LRMDA: variants seen among roughly 807,000 people sequenced by gnomAD.
LRMDA encodes leucine-rich melanocyte differentiation-associated protein.
In LRMDA, 18 loss-of-function variants were observed where a neutral mutation model predicts 29.8. That is an observed-to-expected ratio of 0.60 (90% CI 0.42 to 0.90). The LOEUF (loss-of-function observed/expected upper bound fraction) is 0.90, where lower values mean the gene tolerates loss of function less well. Among genes scored for constraint, LRMDA ranks in the 40% least tolerant of loss-of-function variants. The pLI, the probability that LRMDA is intolerant of heterozygous loss-of-function variation, is 0.00. For missense variants in LRMDA, 273 were observed against 273.9 expected, an observed-to-expected ratio of 1.00 and a Z score of 0.02; for synonymous variants, 125 against 109.4, an observed-to-expected ratio of 1.14 and a Z score of -0.89.
chr10:76,058,425 G>A (rs1018446116), intron 4 of LRMDA, among the ~76,000 whole-genome samples: 1 of 152,206 alleles, frequency 6.6e-6, no homozygotes, highest in Non-Finnish European at 1.5e-5. Context: ...GTTTACCTTT[G>A]AGCCAAGTGT....
At chr10:76,221,620 G>A (rs1294896928) in intron 5 of LRMDA, among the ~76,000 whole-genome samples, 1 of 152,130 alleles carries the variant, frequency 6.6e-6, no homozygotes, top group African/African-American at 2.4e-5. Flanking sequence ...AATAAAAGAG[G>A]ATACAAACAA....
intron 2 of LRMDA, among the ~76,000 whole-genome samples, chr10:75,984,297 C>A (rs566214028): frequency 6.6e-6 from 1 of 151,748 alleles, no homozygotes; most frequent in South Asian, 2.1e-4. Context: ...ATATCCAAAC[C>A]AGCAGGTGGA....
intron 2 of LRMDA, among the ~76,000 whole-genome samples, chr10:75,683,485 T>C (rs1842048206): frequency 6.6e-6 from 1 of 152,212 alleles, no homozygotes; most frequent in South Asian, 2.1e-4. Flanking sequence ...CAGTATTAAA[T>C]TGTAGCAATG....
chr10:76,267,197 ATTTTT>A (rs201650195), intron 5 of LRMDA, among the ~76,000 whole-genome samples: 1 of 151,508 alleles, frequency 6.6e-6, no homozygotes, highest in Admixed American at 6.6e-5. Flanking sequence ...TATGCACATA[ATTTTT>A]TTTTGTTTTT....
At chr10:76,001,843 T>C (rs1271558807) in intron 2 of LRMDA, among the ~76,000 whole-genome samples, 2 of 152,102 alleles carry the variant, frequency 1.3e-5, no homozygotes, top group African/African-American at 4.8e-5. Context: ...CAAAACCAAA[T>C]TGTATACTGC....
chr10:75,610,481 C>T (rs558025479), intron 2 of LRMDA, among the ~76,000 whole-genome samples: 1 of 151,964 alleles, frequency 6.6e-6, no homozygotes. Flanking sequence ...ATACCACACC[C>T]CCACATACAC....
chr10:75,604,804 C>T (rs1840935176), intron 2 of LRMDA, among the ~76,000 whole-genome samples: 1 of 152,192 alleles, frequency 6.6e-6, no homozygotes, highest in African/African-American at 2.4e-5. Context: ...TGCCCCACCA[C>T]TTACCAATCA....
chr10:75,800,034 A>G (rs1304617124), intron 2 of LRMDA, among the ~76,000 whole-genome samples: 1 of 152,082 alleles, frequency 6.6e-6, no homozygotes, highest in African/African-American at 2.4e-5. Context: ...CTTTTCAAGT[A>G]TTATTGATCT....
At position 76,535,007 on chromosome 10, in the gene LRMDA, G is replaced by A. The variant is rs117254955; in HGVS notation, c.602-22202G>A. On this transcript the variant is annotated intron_variant, in intron 6 of 6. Coordinates refer to ENST00000611255, the MANE Select transcript of LRMDA (RefSeq NM_001305581.2). ...TTTCCTTGCCTGTCTTCCACCAGCAGATTATAGTGTCTGTGACCTAAGACT... is the reference window on the plus strand; with the variant it reads ...TTTCCTTGCCTGTCTTCCACCAGCAAATTATAGTGTCTGTGACCTAAGACT... Among the ~76,000 whole-genome samples the A allele has an allele frequency of 5.6e-4, 86 of 152,290 alleles. 1 individual carries two copies. Among genetic ancestry groups the A allele is most frequent in the Admixed American group, 1.2e-3 (19 of 15,298 alleles).
At position 75,600,293 on chromosome 10, in the gene LRMDA, C is replaced by T. The variant is rs530012329; in HGVS notation, c.131+161799C>T. ...GTGAAGGGCATGCCCAAATCTGAAA[C>T]AGCTTAGAGGATGCTCCCCATTTCG... is the stretch of plus-strand genomic sequence containing the variant. On this transcript the variant is annotated intron_variant, in intron 2 of 6. Coordinates refer to ENST00000611255, the MANE Select transcript of LRMDA (RefSeq NM_001305581.2). Among the ~76,000 whole-genome samples, 12 of 152,310 alleles carry T rather than the reference C, an allele frequency of 7.9e-5. No homozygotes were observed. In the East Asian group the frequency reaches 9.7e-4, roughly 12 times the overall value.
At chr10:75,538,780 G>A (rs1368743619) in intron 2 of LRMDA, among the ~76,000 whole-genome samples, 1 of 152,180 alleles carries the variant, frequency 6.6e-6, no homozygotes, top group African/African-American at 2.4e-5. Context: ...CCTAAGCTGG[G>A]ATTTGATCTT....
chr10:76,258,881 G>C (rs572116751), intron 5 of LRMDA, among the ~76,000 whole-genome samples: 24 of 152,190 alleles, frequency 1.6e-4, no homozygotes, highest in African/African-American at 5.1e-4. Flanking sequence ...GGATACCTAG[G>C]CTGAGTCCAT....
intron 2 of LRMDA, among the ~76,000 whole-genome samples, chr10:75,809,975 G>A (rs188523049): frequency 8.9e-4 from 135 of 152,304 alleles, no homozygotes; most frequent in African/African-American, 3.1e-3. Flanking sequence ...TGTGCAGGGG[G>A]CCTTGTGTGG....
intron 2 of LRMDA, among the ~76,000 whole-genome samples, chr10:75,525,401 A>G (rs1156290102): frequency 1.3e-5 from 2 of 152,130 alleles, no homozygotes; most frequent in Admixed American, 6.5e-5. Flanking sequence ...AGATTGGAGT[A>G]TGTAGTTTAT....
At chr10:76,470,548 T>C (rs1251451507) in intron 6 of LRMDA, 1 of 151,972 alleles carries the variant, frequency 6.6e-6, no homozygotes, top group Non-Finnish European at 1.5e-5. Flanking sequence ...ACGTACAATG[T>C]AATAGTATTC....
intron 6 of LRMDA, among the ~76,000 whole-genome samples, chr10:76,532,151 T>C (rs1843240961): frequency 6.6e-6 from 1 of 152,126 alleles, no homozygotes; most frequent in South Asian, 2.1e-4. Flanking sequence ...ACATTAGGTA[T>C]TTCTCCTAAT....
At chr10:75,855,560 T>G (rs1844811184) in intron 2 of LRMDA, among the ~76,000 whole-genome samples, 1 of 152,230 alleles carries the variant, frequency 6.6e-6, no homozygotes, top group African/African-American at 2.4e-5. Flanking sequence ...CAGAAGCTCT[T>G]GAGTTTAATT....
intron 2 of LRMDA, among the ~76,000 whole-genome samples, chr10:75,959,715 TCA>T (rs1406843286): frequency 6.6e-6 from 1 of 152,178 alleles, no homozygotes; most frequent in African/African-American, 2.4e-5. Flanking sequence ...TACATATATA[TCA>T]CATATATGTA....
chr10:76,028,109 T>C (rs746322744), intron 2 of LRMDA, among the ~76,000 whole-genome samples: 1 of 152,186 alleles, frequency 6.6e-6, no homozygotes, highest in African/African-American at 2.4e-5. Context: ...ATCCAGCAAT[T>C]TCACTGTCTC....
Sources: gnomAD v4.1 joint callset for allele counts (sites outside exome capture counted in the v4.1 genomes callset) on GRCh38, gnomAD v4.1.1 for gene constraint, MANE v1.5 for transcripts, NCBI Gene and HGNC (gene_info 2026-07-23, HGNC 2026-07-21) for gene names.